The following LDLRAD3 variants were observed in gnomAD, a reference collection of about 807,000 sequenced individuals.
The protein encoded by LDLRAD3 is low-density lipoprotein receptor class A domain-containing protein 3.
Under a neutral mutation model 29.4 loss-of-function variants are expected in LDLRAD3, and 20 were observed. The ratio of observed to expected loss-of-function variants is 0.68; its 90% confidence interval spans 0.48 to 0.99. LDLRAD3 has a LOEUF of 0.99. Among genes scored for constraint, LDLRAD3 ranks in the 50% least tolerant of loss-of-function variants. LDLRAD3 has a pLI of 0.00. For synonymous variants in LDLRAD3, 157 were observed against 192.7 expected, an observed-to-expected ratio of 0.81 and a Z score of 1.53; for missense variants, 420 against 454.3, an observed-to-expected ratio of 0.92 and a Z score of 0.69.
chr11:36,158,044 A>G (rs1590317917), intron 4 of LDLRAD3, among the ~76,000 whole-genome samples: 1 of 152,260 alleles, frequency 6.6e-6, no homozygotes, highest in East Asian at 1.9e-4. Context: ...CAGCACACTG[A>G]CGCAGGTATT....
intron 4 of LDLRAD3, among the ~76,000 whole-genome samples, chr11:36,112,746 T>C (rs1289400580): frequency 6.6e-6 from 1 of 152,162 alleles, no homozygotes; most frequent in Admixed American, 6.5e-5. Flanking sequence ...GCAGAATTCA[T>C]AGTAGAGAGT....
At chr11:36,078,630 C>G (rs1225686599) in intron 2 of LDLRAD3, among the ~76,000 whole-genome samples, 1 of 152,216 alleles carries the variant, frequency 6.6e-6, no homozygotes, top group Non-Finnish European at 1.5e-5. Flanking sequence ...ATGTCTGCAT[C>G]TGCAGCTGCA....
intron 4 of LDLRAD3, among the ~76,000 whole-genome samples, chr11:36,167,816 A>T (rs991219838): frequency 2.6e-5 from 4 of 152,194 alleles, no homozygotes; most frequent in Non-Finnish European, 4.4e-5. Flanking sequence ...TATCTAAGAC[A>T]TAGGCCTACA....
At chr11:36,103,834 C>G (rs1427347586) in intron 4 of LDLRAD3, among the ~76,000 whole-genome samples, 2 of 152,304 alleles carry the variant, frequency 1.3e-5, no homozygotes, top group East Asian at 3.9e-4. Context: ...GCATAATGTC[C>G]TCACGGTCCA....
intron 4 of LDLRAD3, among the ~76,000 whole-genome samples, chr11:36,145,528 G>A (rs542969566): frequency 1.5e-4 from 23 of 150,516 alleles, no homozygotes; most frequent in Middle Eastern, 6.8e-3. Context: ...ATTGAGAACA[G>A]GCCATGATGA....
At chr11:36,084,010 C>T (rs1241493845) in intron 3 of LDLRAD3, among the ~76,000 whole-genome samples, 3 of 152,144 alleles carry the variant, frequency 2.0e-5, no homozygotes, top group Non-Finnish European at 4.4e-5. Context: ...CCTCAACCTC[C>T]TGGGCTCAGC....
intron 2 of LDLRAD3, among the ~76,000 whole-genome samples, chr11:36,051,583 C>G (rs539997843): frequency 6.6e-6 from 1 of 152,300 alleles, no homozygotes; most frequent in South Asian, 2.1e-4. Context: ...GACATTACTT[C>G]ATGCTTTAAA....
intron 2 of LDLRAD3, among the ~76,000 whole-genome samples, chr11:36,067,642 G>C (rs986796265): frequency 5.9e-5 from 9 of 152,074 alleles, no homozygotes; most frequent in Non-Finnish European, 1.5e-5. Context: ...TTTAAACCCA[G>C]GCAGGCTGAC....
rs571338161 is a variant in LDLRAD3 at position 35,975,938 on chromosome 11, A to G, written c.46+31794A>G. Among the ~76,000 whole-genome samples the G allele has an allele frequency of 5.7e-4, 87 of 151,700 alleles. 2 individuals carry two copies. Among genetic ancestry groups the G allele is most frequent in the African/African-American group, 2.1e-3 (87 of 41,300 alleles). On this transcript the variant is annotated intron_variant, in intron 1 of 5. Coordinates refer to ENST00000315571, the MANE Select transcript of LDLRAD3 (RefSeq NM_174902.4). ...ACTTCTGAGAACAGGTGAGTAGAGC[A>G]TTGTGTGCCCAGGCTCAGGAGAATG... is the stretch of plus-strand genomic sequence containing the variant.
At chr11:36,061,042 G>A (rs1852690648) in intron 2 of LDLRAD3, among the ~76,000 whole-genome samples, 1 of 152,194 alleles carries the variant, frequency 6.6e-6, no homozygotes, top group Non-Finnish European at 1.5e-5. Flanking sequence ...TTTTGGTGGA[G>A]CCTAAGTGGG....
At chr11:36,218,501 T>C (rs2133387014) in intron 4 of LDLRAD3, among the ~76,000 whole-genome samples, 1 of 152,340 alleles carries the variant, frequency 6.6e-6, no homozygotes, top group South Asian at 2.1e-4. Flanking sequence ...GGCAAGACTC[T>C]CACGGAGGTT....
At chr11:36,114,147 A>T (rs1287577431) in intron 4 of LDLRAD3, among the ~76,000 whole-genome samples, 5 of 152,214 alleles carry the variant, frequency 3.3e-5, no homozygotes, top group Non-Finnish European at 7.3e-5. Flanking sequence ...CATGGGCTGT[A>T]GGTTTTTTGC....
chr11:36,166,076 T>C (rs1854511605), intron 4 of LDLRAD3, among the ~76,000 whole-genome samples: 1 of 151,324 alleles, frequency 6.6e-6, no homozygotes, highest in African/African-American at 2.4e-5. Flanking sequence ...CAGAGGGAAA[T>C]TGACTGGCTA....
At chr11:36,019,565 G>C (rs2133196106) in intron 1 of LDLRAD3, among the ~76,000 whole-genome samples, 1 of 152,260 alleles carries the variant, frequency 6.6e-6, no homozygotes. Flanking sequence ...CAGCACTTCA[G>C]TGGCCGTTGA....
intron 3 of LDLRAD3, among the ~76,000 whole-genome samples, chr11:36,094,068 C>G (rs1269826700): frequency 6.6e-6 from 1 of 152,244 alleles, no homozygotes; most frequent in East Asian, 1.9e-4. Flanking sequence ...GTGGATTTGA[C>G]TTGTAGCTTG....
At chr11:36,043,885 A>T (rs763075743) in intron 2 of LDLRAD3, among the ~76,000 whole-genome samples, 3 of 152,216 alleles carry the variant, frequency 2.0e-5, no homozygotes, top group Admixed American at 1.3e-4. Flanking sequence ...TCCATTAAAC[A>T]CTTCAGAATG....
intron 1 of LDLRAD3, among the ~76,000 whole-genome samples, chr11:35,979,409 A>G (rs1851513354): frequency 6.6e-6 from 1 of 152,220 alleles, no homozygotes; most frequent in Admixed American, 6.5e-5. Flanking sequence ...TGAACTTGGA[A>G]AATGAAGTTG....
At chr11:35,950,342 G>GCTTCTTT (rs1851115522) in intron 1 of LDLRAD3, among the ~76,000 whole-genome samples, 1 of 152,188 alleles carries the variant, frequency 6.6e-6, no homozygotes, top group Admixed American at 6.5e-5. Flanking sequence ...CAGAGGTGAT[G>GCTTCTTT]ACACATGTCC....
At chr11:36,116,273 G>C (rs964896306) in intron 4 of LDLRAD3, among the ~76,000 whole-genome samples, 1 of 152,216 alleles carries the variant, frequency 6.6e-6, no homozygotes, top group African/African-American at 2.4e-5. Context: ...CTCTGTCTCT[G>C]ACAGCTGACA....
Sources: allele counts gnomAD v4.1 joint callset (sites outside exome capture counted in the v4.1 genomes callset), GRCh38; gene constraint gnomAD v4.1.1; transcripts MANE v1.5; gene names NCBI Gene and HGNC (gene_info 2026-07-23, HGNC 2026-07-21).